The following ZNF346 variants were observed in gnomAD, a reference collection of about 807,000 sequenced individuals.
ZNF346 encodes zinc finger protein 346.
A neutral mutation model predicts 33.7 loss-of-function variants in ZNF346; 23 were observed. The observed-to-expected ratio is 0.68, with a 90% CI of 0.49 to 0.97. The LOEUF is 0.97. Ranked by LOEUF, ZNF346 falls within the 50% of genes least tolerant of loss-of-function variation. The probability of loss-of-function intolerance (pLI) is 0.00; values close to 1 mark genes in which losing one functional copy is unlikely to be tolerated. For synonymous variants in ZNF346, 134 were observed against 142.4 expected, an observed-to-expected ratio of 0.94 and a Z score of 0.42; for missense variants, 340 against 371.1, an observed-to-expected ratio of 0.92 and a Z score of 0.69.
At chr5:177,037,248 C>G (rs1196763499) in intron 1 of ZNF346, among the ~76,000 whole-genome samples, 1 of 152,152 alleles carries the variant, frequency 6.6e-6, no homozygotes. Flanking sequence ...TGGGAGGGTC[C>G]CAAGGCTCAG....
intron 1 of ZNF346, among the ~76,000 whole-genome samples, chr5:177,028,303 A>G (rs1030063459): frequency 1.3e-5 from 2 of 149,824 alleles, no homozygotes; most frequent in Non-Finnish European, 3.0e-5. Flanking sequence ...CTGCTTTCCC[A>G]AAGCACTGGG....
chr5:177,050,839 A>G lies in ZNF346; in HGVS notation c.606A>G (p.Gln202=). The change falls in exon 5 of 7, where the codon CAA becomes CAG. Residue 202 remains glutamine (Q), a synonymous_variant. Coordinates refer to ENST00000358149, the MANE Select transcript of ZNF346 (RefSeq NM_012279.4). ...ATFNDPVMAQ[Q]HYVGKKHRKQ... Reference sequence around the variant, plus strand: ...TCAACGACCCTGTCATGGCTCAACAACATTATGTGGGCAAGAAACACAGAA... The same window carrying G: ...TCAACGACCCTGTCATGGCTCAACAGCATTATGTGGGCAAGAAACACAGAA... 1 of 1,614,170 alleles carries G rather than the reference A, an allele frequency of 6.2e-7. No individual in the cohort carries two copies.
chr5:177,022,716 A>T lies in ZNF346; in HGVS notation c.-23A>T, dbSNP rs1320632720. On this transcript the variant is annotated 5_prime_UTR_variant, in exon 1 of 7. Transcript: ENST00000358149. ...TACCTAGGCGCCTGAGAGGCTCTCT[A>T]CCGGTGAGGGTTTGCGGGGAAGATG... The T allele has an allele frequency of 6.5e-7, 1 of 1,534,450 alleles. No homozygotes were observed. Among genetic ancestry groups the T allele is most frequent in the Non-Finnish European group, 8.7e-7 (1 of 1,146,680 alleles).
At chr5:177,052,970 A>G (rs1420486867) in intron 5 of ZNF346, 2 of 151,990 alleles carry the variant, frequency 1.3e-5, no homozygotes, top group African/African-American at 2.4e-5. Context: ...TGCAGGATCC[A>G]TTCACCACTC....
intron 5 of ZNF346, among the ~76,000 whole-genome samples, chr5:177,060,966 G>T (rs1181464268): frequency 6.6e-6 from 1 of 151,958 alleles, no homozygotes; most frequent in African/African-American, 2.4e-5. Flanking sequence ...AAAAAAATTA[G>T]CTAGGTGTGG....
chr5:177,050,657 CCTT>C (rs769186066), intron 4 of ZNF346, 91 bp from the exon 5 acceptor site: 17 of 1,402,204 alleles, frequency 1.2e-5, no homozygotes, highest in Non-Finnish European at 1.5e-5. Context: ...AAGCCTGACA[CCTT>C]CTGGGTTTTT....
chr5:177,031,567 T>G (rs1777704672), intron 1 of ZNF346, among the ~76,000 whole-genome samples: 1 of 152,226 alleles, frequency 6.6e-6, no homozygotes, highest in Non-Finnish European at 1.5e-5. Flanking sequence ...GTGATGTGTC[T>G]AGGTGTAGCT....
At chr5:177,057,406 G>A (rs547859396) in intron 5 of ZNF346, among the ~76,000 whole-genome samples, 1 of 152,048 alleles carries the variant, frequency 6.6e-6, no homozygotes, top group Non-Finnish European at 1.5e-5. Flanking sequence ...AATTAGAGAT[G>A]CAGGTGGCAA....
At chr5:177,028,493 GTT>G (rs199723041) in intron 1 of ZNF346, among the ~76,000 whole-genome samples, 1,313 of 50,538 alleles carry the variant, frequency 0.026, 33 homozygotes, top group South Asian at 0.068. Context: ...CACTTGTGAC[GTT>G]TTATATATAT....
intron 1 of ZNF346, among the ~76,000 whole-genome samples, chr5:177,034,903 A>G (rs1006010638): frequency 6.6e-6 from 1 of 152,252 alleles, no homozygotes; most frequent in African/African-American, 2.4e-5. Context: ...GGAGCCTCAG[A>G]GACTGTAGGT....
downstream of ZNF346, among the ~76,000 whole-genome samples, chr5:177,072,721 C>T (rs759940239): frequency 1.3e-5 from 2 of 152,060 alleles, no homozygotes; most frequent in Non-Finnish European, 1.5e-5. Flanking sequence ...TGGTGGCGCA[C>T]GTCTGTAGTC....
chr5:177,064,407 T>C, intron 6 of ZNF346, 105 bp from the exon 7 acceptor site: 1 of 846,000 alleles, frequency 1.2e-6, no homozygotes, highest in East Asian at 2.5e-5. Context: ...AGGAAAGGTG[T>C]CCTGTCTATT....
At chr5:177,024,155 T>TACACACACACACAC (rs1265518619) in intron 1 of ZNF346, among the ~76,000 whole-genome samples, 1 of 16,602 alleles carries the variant, frequency 6.0e-5, no homozygotes, top group South Asian at 2.2e-3. Context: ...GTATTTTATG[T>TACACACACACACAC]ATACACACAC....
chr5:177,060,722 C>T (rs534227819), intron 5 of ZNF346, among the ~76,000 whole-genome samples: 39 of 151,954 alleles, frequency 2.6e-4, no homozygotes, highest in Non-Finnish European at 4.7e-4. Flanking sequence ...GCAGGAGAAT[C>T]GCTTGAACCT....
chr5:177,050,686 G>C (rs759932363), intron 4 of ZNF346, 65 bp from the exon 5 acceptor site: 6 of 1,587,090 alleles, frequency 3.8e-6, no homozygotes, highest in Admixed American at 1.7e-5. Flanking sequence ...GTTTCTGTTT[G>C]AACTCTCTCA....
At position 177,064,816 on chromosome 5, in the gene ZNF346, G is replaced by A. The variant is rs1782995695; in HGVS notation, c.*217G>A. ...TGTAGGTCATGACAGGGGAGGCAAG[G>A]GTATTGAGAGACTCGGGGTCTCGCG... On this transcript the variant is annotated 3_prime_UTR_variant, in exon 7 of 7. Coordinates refer to ENST00000358149, the MANE Select transcript of ZNF346 (RefSeq NM_012279.4). The A allele has an allele frequency of 1.8e-6, 1 of 551,320 alleles. No homozygotes were observed. The highest frequency in any genetic ancestry group is 1.9e-5 in the African/African-American group (1 of 52,856). 34.2% of individuals were successfully genotyped at this position (551,320 alleles called of 1,614,324 possible). A position where few individuals can be genotyped will look rare whatever the true frequency, so the allele number is the denominator to read the frequency against.
intron 3 of ZNF346, among the ~76,000 whole-genome samples, chr5:177,044,145 G>A (rs1779731591): frequency 6.6e-6 from 1 of 152,060 alleles, no homozygotes; most frequent in Non-Finnish European, 1.5e-5. Context: ...AAGCAGGAAA[G>A]GAAGGAAGCA....
At chr5:177,031,584 A>T (rs1777708112) in intron 1 of ZNF346, among the ~76,000 whole-genome samples, 1 of 152,040 alleles carries the variant, frequency 6.6e-6, no homozygotes, top group East Asian at 1.9e-4. Flanking sequence ...AGCTCTCTTC[A>T]CATTTTTCCT....
chr5:177,068,367 T>C (rs1481551788), downstream of ZNF346, among the ~76,000 whole-genome samples: 1 of 144,224 alleles, frequency 6.9e-6, no homozygotes, highest in East Asian at 1.9e-4. Flanking sequence ...ATTCACTTAA[T>C]GAAAAATCCA....
Sources: gnomAD v4.1 joint callset for allele counts (sites outside exome capture counted in the v4.1 genomes callset) on GRCh38, gnomAD v4.1.1 for gene constraint, MANE v1.5 for transcripts, NCBI Gene and HGNC (gene_info 2026-07-23, HGNC 2026-07-21) for gene names.